The following GFM2 variants were observed in gnomAD, a reference collection of about 807,000 sequenced individuals.
GFM2 encodes GTP dependent ribosome recycling factor mitochondrial 2.
GFM2 carries 72 observed loss-of-function variants against 95.4 expected under a neutral mutation model. The ratio of observed to expected loss-of-function variants is 0.76; its 90% CI spans 0.62 to 0.92. GFM2 has a LOEUF of 0.92. Ranked by LOEUF, GFM2 falls within the 40% of genes least tolerant of loss-of-function variation. The pLI is 0.00. For missense variants in GFM2, 825 were observed against 924.1 expected, an observed-to-expected ratio of 0.89 and a Z score of 1.39; for synonymous variants, 276 against 317.5, an observed-to-expected ratio of 0.87 and a Z score of 1.39.
chr5:74,746,755 C>G (rs1166833610), intron 8 of GFM2, among the ~76,000 whole-genome samples: 3 of 151,980 alleles, frequency 2.0e-5, no homozygotes. Context: ...CCAGTCATAT[C>G]CCTCCCCATT....
chr5:74,748,005 G>A (rs977563188), intron 7 of GFM2, among the ~76,000 whole-genome samples: 4 of 152,180 alleles, frequency 2.6e-5, no homozygotes, highest in Non-Finnish European at 5.9e-5. Context: ...AACCACTTGA[G>A]AATACTCTGG....
chr5:74,738,336 C>A lies in GFM2; in HGVS notation c.1302G>T (p.Leu434Phe), dbSNP rs1187939194. The change falls in exon 14 of 21, where the codon TTG becomes TTT. Residue 434 changes from leucine to phenylalanine, a missense_variant. Physicochemically the swap from Leu to Phe is conservative, Grantham distance 22. Coordinates refer to ENST00000296805, the MANE Select transcript of GFM2 (RefSeq NM_032380.5). ...IPSLTAGNIA[L>F]TVGLKHTATG... Reference sequence around the variant, plus strand: ...CACTTACATGTTTAAGCCCAACAGTCAAAGCAATGTTACCAGCAGTCAATG... The same window carrying A: ...CACTTACATGTTTAAGCCCAACAGTAAAAGCAATGTTACCAGCAGTCAATG... 2 of 1,612,920 alleles carry A rather than the reference C, an allele frequency of 1.2e-6. No homozygotes were observed. Among genetic ancestry groups the A allele is most frequent in the Non-Finnish European group, 1.7e-6 (2 of 1,179,376 alleles).
Position 74,722,581 on chromosome 5 carries a change from T to A in GFM2, c.2029-20A>T. ...CAGAGCCTAAAGAAATTAAAGAATG[T>A]TAACTTATCTTTCATAAATAAAAAC... On this transcript the variant is annotated intron_variant, in intron 19 of 20. Transcript: ENST00000296805. The A allele has an allele frequency of 6.3e-7, 1 of 1,578,820 alleles. No individual in the cohort carries two copies. Among genetic ancestry groups the A allele is most frequent in the Non-Finnish European group, 8.6e-7 (1 of 1,162,336 alleles).
intron 5 of GFM2, among the ~76,000 whole-genome samples, chr5:74,753,881 A>T (rs1196056755): frequency 6.6e-6 from 1 of 152,210 alleles, no homozygotes; most frequent in Non-Finnish European, 1.5e-5. Flanking sequence ...TGGGAAATTC[A>T]TCACAAAAAG....
intron 12 of GFM2, among the ~76,000 whole-genome samples, chr5:74,738,856 C>G (rs779411230): frequency 2.0e-5 from 3 of 152,102 alleles, no homozygotes; most frequent in African/African-American, 4.8e-5. Context: ...ATAACAGATT[C>G]TCTTCCAAAT....
rs1421683677 is a variant in GFM2 at position 74,736,995 on chromosome 5, A to C, written c.1321-10T>G. 1.9e-6 allele frequency: 3 copies of C among 1,612,558 alleles called. No individual in the cohort carries two copies. Among genetic ancestry groups the C allele is most frequent in the Non-Finnish European group, 1.7e-6 (2 of 1,179,384 alleles). The stretch of plus-strand genomic sequence containing the variant: ...TGTCTCCAGTGGCAGTCTGCAAGCA[A>C]ACAAGATGACTTGGAACGAAAGTGG... On this transcript the variant is annotated splice_polypyrimidine_tract_variant and intron_variant, in intron 14 of 20. Transcript: ENST00000296805.
At chr5:74,734,694 T>A (rs751441681) in intron 15 of GFM2, among the ~76,000 whole-genome samples, 12 of 152,372 alleles carry the variant, frequency 7.9e-5, no homozygotes, top group East Asian at 5.8e-4. Context: ...TAAATTATTT[T>A]AAAATATTTG....
chr5:74,741,529 C>T lies in GFM2; in HGVS notation c.930G>A (p.Lys310=). The change falls in exon 11 of 21, where the codon AAG becomes AAA. Residue 310 remains lysine (K), a splice_region_variant and synonymous_variant. Coordinates refer to ENST00000296805, the MANE Select transcript of GFM2 (RefSeq NM_032380.5). The part of the protein sequence containing the change: ...SENFDLLPAE[K]LQTAIHRVTL... ...AAAGCCATTGAATAATAAAATTTAC[C>T]TTTTCAGCTGGTAACAAATCAAAAT... 1 of 1,470,010 alleles carries T rather than the reference C, an allele frequency of 6.8e-7. No individual in the cohort carries two copies. The highest frequency in any genetic ancestry group is 9.4e-7 in the Non-Finnish European group (1 of 1,061,624). The allele number at this position is 1,470,010 out of a possible 1,614,324, so 91.1% of individuals were successfully genotyped here.
At chr5:74,742,455 T>C (rs1201852025) in intron 10 of GFM2, among the ~76,000 whole-genome samples, 1 of 152,182 alleles carries the variant, frequency 6.6e-6, no homozygotes, top group Admixed American at 6.5e-5. Context: ...CTCACAAAGA[T>C]GATAGTAGTA....
At chr5:74,724,239 C>T (rs1750046806) in intron 19 of GFM2, among the ~76,000 whole-genome samples, 1 of 152,118 alleles carries the variant, frequency 6.6e-6, no homozygotes, top group Non-Finnish European at 1.5e-5. Flanking sequence ...TTTTGAAGGA[C>T]AGGCCAATAT....
chr5:74,765,690 T>C (rs956854594), intron 1 of GFM2, among the ~76,000 whole-genome samples: 1 of 151,894 alleles, frequency 6.6e-6, no homozygotes, highest in South Asian at 2.1e-4. Flanking sequence ...CCTTAGAAAA[T>C]GGAGCCTTAA....
chr5:74,755,244 A>G (rs1455528795), intron 5 of GFM2, among the ~76,000 whole-genome samples: 4 of 152,220 alleles, frequency 2.6e-5, no homozygotes, highest in Admixed American at 1.3e-4. Flanking sequence ...ACAGGCTACA[A>G]AACAAGTCTC....
At position 74,751,499 on chromosome 5, in the gene GFM2, C is replaced by G. The variant is rs191829393; in HGVS notation, c.305-6G>C. On this transcript the variant is annotated splice_region_variant and splice_polypyrimidine_tract_variant and intron_variant, in intron 5 of 20. Coordinates refer to ENST00000296805, the MANE Select transcript of GFM2 (RefSeq NM_032380.5). ...TGTGTCTCCATCATCAACATCTAGC[C>G]AGGAAAAAGATGATACAGTTTAGTC... The G allele has an allele frequency of 1.1e-5, 18 of 1,605,112 alleles. No individual in the cohort carries two copies. In the Middle Eastern group the frequency reaches 5.0e-4, roughly 44 times the overall value.
At chr5:74,755,609 A>C (rs559795105) in intron 5 of GFM2, among the ~76,000 whole-genome samples, 35 of 152,218 alleles carry the variant, frequency 2.3e-4, no homozygotes, top group Non-Finnish European at 4.3e-4. Flanking sequence ...TTACGCGCAT[A>C]AACTAGAAAA....
At chr5:74,750,431 T>C (rs1743635705) in intron 7 of GFM2, 148 bp downstream of exon 7, 3 of 539,044 alleles carry the variant, frequency 5.6e-6, no homozygotes, top group Non-Finnish European at 1.0e-5. Flanking sequence ...GTAGATTACA[T>C]CTCAATATAA....
intron 19 of GFM2, 179 bp from the exon 20 acceptor site, chr5:74,722,740 T>C (rs1481003425): frequency 1.9e-6 from 1 of 540,460 alleles, no homozygotes; most frequent in Non-Finnish European, 3.2e-6. Flanking sequence ...ACAGAATTTA[T>C]AGATCTTTTG....
At position 74,721,945 on chromosome 5, in the gene GFM2, G is replaced by A. The variant is rs576626497; in HGVS notation, c.2212-162C>T. Among the ~76,000 whole-genome samples, 556 of 152,320 alleles carry A rather than the reference G, an allele frequency of 3.7e-3. 2 individuals carry two copies. Among genetic ancestry groups the A allele is most frequent in the African/African-American group, 0.013 (536 of 41,570 alleles). ...GATGATTTAACTTTTTTCAGGGTAA[G>A]TTGGATATAAAAACATTGAGGACAG... is the stretch of plus-strand genomic sequence containing the variant. On this transcript the variant is annotated intron_variant, in intron 20 of 20. Transcript: ENST00000296805.
chr5:74,735,942 A>C (rs1401758999), intron 15 of GFM2, among the ~76,000 whole-genome samples: 1 of 152,190 alleles, frequency 6.6e-6, no homozygotes, highest in African/African-American at 2.4e-5. Context: ...CATATGTCTC[A>C]GTGCTGGCCA....
intron 14 of GFM2, 82 bp downstream of exon 14, chr5:74,738,236 T>C: frequency 1.0e-6 from 1 of 1,000,972 alleles, no homozygotes; most frequent in Non-Finnish European, 1.5e-6. Flanking sequence ...GGATTGTTTA[T>C]GGGTTTTTGA....
Sources: gnomAD v4.1 joint callset for allele counts (sites outside exome capture counted in the v4.1 genomes callset) on GRCh38, gnomAD v4.1.1 for gene constraint, MANE v1.5 for transcripts, NCBI Gene and HGNC (gene_info 2026-07-23, HGNC 2026-07-21) for gene names.